BABAM2: variants seen among roughly 807,000 people sequenced by gnomAD.
The protein encoded by BABAM2 is BRISC and BRCA1-A complex member 2.
A neutral mutation model predicts 54.7 loss-of-function variants in BABAM2; 31 were observed. That is an observed-to-expected ratio of 0.57 (90% CI 0.43 to 0.77). The LOEUF (loss-of-function observed/expected upper bound fraction) is 0.77, where lower values mean the gene tolerates loss of function less well. Ranked by LOEUF, BABAM2 falls within the 30% of genes least tolerant of loss-of-function variation. The pLI, the probability that BABAM2 is intolerant of heterozygous loss-of-function variation, is 0.00. For synonymous variants in BABAM2, 167 were observed against 162.9 expected (o/e 1.03, Z -0.19); for missense variants, 364 against 455.8 (o/e 0.80, Z 1.83).
chr2:27,947,913 A>G (rs1271416920), intron 3 of BABAM2, among the ~76,000 whole-genome samples: 1 of 152,042 alleles, frequency 6.6e-6, no homozygotes, highest in Non-Finnish European at 1.5e-5. Flanking sequence ...ATGTGTGAGC[A>G]TTTTTCTTAA....
intron 10 of BABAM2, among the ~76,000 whole-genome samples, chr2:28,246,220 G>A (rs115605354): frequency 6.6e-6 from 1 of 152,132 alleles, no homozygotes; most frequent in African/African-American, 2.4e-5. Context: ...CAGTGTCTTC[G>A]ATGGCCCTAC....
At chr2:28,031,494 T>C (rs1346303150) in intron 5 of BABAM2, among the ~76,000 whole-genome samples, 3 of 152,172 alleles carry the variant, frequency 2.0e-5, no homozygotes, top group Admixed American at 2.0e-4. Flanking sequence ...AGATGCACTT[T>C]AGTAGGGCTC....
At chr2:28,330,231 G>A (rs2087462) in intron 11 of BABAM2, among the ~76,000 whole-genome samples, 26,432 of 152,020 alleles carry the variant, frequency 0.17, 3,232 homozygotes, top group East Asian at 0.57. Flanking sequence ...ATATCATACC[G>A]AACAGGCAAA....
intron 3 of BABAM2, among the ~76,000 whole-genome samples, chr2:27,953,349 A>AT (rs964844345): frequency 2.6e-5 from 4 of 151,852 alleles, no homozygotes; most frequent in African/African-American, 9.7e-5. Flanking sequence ...CGCCTGGCTA[A>AT]TTTTTTTACT....
chr2:28,315,690 A>G (rs1005438650), intron 11 of BABAM2, among the ~76,000 whole-genome samples: 6 of 149,720 alleles, frequency 4.0e-5, no homozygotes, highest in Admixed American at 3.3e-4. Flanking sequence ...GTGGAGTCTC[A>G]CTATGTTGCC....
intron 7 of BABAM2, among the ~76,000 whole-genome samples, chr2:28,161,336 C>G (rs933926962): frequency 2.6e-5 from 4 of 152,160 alleles, no homozygotes; most frequent in African/African-American, 7.2e-5. Context: ...CTGGGGTCAA[C>G]CAGTGACTCA....
upstream of BABAM2, among the ~76,000 whole-genome samples, chr2:27,888,986 G>A (rs1415210949): frequency 6.6e-6 from 1 of 152,196 alleles, no homozygotes; most frequent in African/African-American, 2.4e-5. Context: ...GTGTCTGACA[G>A]AATAGTTCTA....
chr2:27,954,396 C>T (rs1034678526), intron 3 of BABAM2, among the ~76,000 whole-genome samples: 3 of 152,204 alleles, frequency 2.0e-5, no homozygotes, highest in African/African-American at 7.2e-5. Flanking sequence ...ATGCTTCCTC[C>T]GGCCCTTGGA....
intron 7 of BABAM2, among the ~76,000 whole-genome samples, chr2:28,185,191 T>C (rs1676149267): frequency 6.6e-6 from 1 of 152,164 alleles, no homozygotes; most frequent in Non-Finnish European, 1.5e-5. Context: ...ATTAATATAT[T>C]AAAACCCCAT....
chr2:28,132,495 G>A (rs1473874053), intron 7 of BABAM2, among the ~76,000 whole-genome samples: 1 of 151,796 alleles, frequency 6.6e-6, no homozygotes, highest in Non-Finnish European at 1.5e-5. Context: ...ATCATTTTTC[G>A]GTTGCTTCCC....
chr2:27,997,574 T>C (rs1297438112), intron 4 of BABAM2, among the ~76,000 whole-genome samples: 1 of 152,190 alleles, frequency 6.6e-6, no homozygotes, highest in South Asian at 2.1e-4. Flanking sequence ...TATTAATATA[T>C]ACACATATGC....
chr2:28,244,135 C>T (rs1039038385), intron 9 of BABAM2, among the ~76,000 whole-genome samples: 3 of 152,066 alleles, frequency 2.0e-5, no homozygotes, highest in African/African-American at 4.8e-5. Flanking sequence ...CCTTCCTGAA[C>T]CCAGCATCCA....
At chr2:28,310,703 G>A (rs1176285483) in intron 11 of BABAM2, among the ~76,000 whole-genome samples, 1 of 151,740 alleles carries the variant, frequency 6.6e-6, no homozygotes, top group Non-Finnish European at 1.5e-5. Flanking sequence ...GGGAAACATG[G>A]TGAAACCCTG....
intron 6 of BABAM2, among the ~76,000 whole-genome samples, chr2:28,115,041 A>G (rs1049174657): frequency 1.3e-5 from 2 of 152,204 alleles, no homozygotes; most frequent in African/African-American, 4.8e-5. Flanking sequence ...GGTAAGCACC[A>G]TACTGGACAC....
chr2:27,920,476 A>T (rs1667271594), intron 2 of BABAM2, among the ~76,000 whole-genome samples: 1 of 152,216 alleles, frequency 6.6e-6, no homozygotes, highest in Non-Finnish European at 1.5e-5. Flanking sequence ...ATTCAGAGAA[A>T]ATAAATTCTA....
chr2:28,033,339 G>C (rs1165318629), intron 5 of BABAM2, among the ~76,000 whole-genome samples: 1 of 152,046 alleles, frequency 6.6e-6, no homozygotes, highest in African/African-American at 2.4e-5. Flanking sequence ...GCTTACAACA[G>C]AATACCCGAA....
chr2:28,092,470 T>C (rs924235672), intron 6 of BABAM2, among the ~76,000 whole-genome samples: 6 of 152,156 alleles, frequency 3.9e-5, no homozygotes, highest in African/African-American at 1.4e-4. Context: ...CAATACCATT[T>C]AAAATAGCAT....
intron 10 of BABAM2, among the ~76,000 whole-genome samples, chr2:28,264,520 C>T (rs778184584): frequency 1.1e-4 from 17 of 152,098 alleles, no homozygotes; most frequent in Non-Finnish European, 1.6e-4. Context: ...GAATTGTGGT[C>T]GCAACAAAAG....
intron 7 of BABAM2, among the ~76,000 whole-genome samples, chr2:28,211,033 A>G (rs1679399820): frequency 6.6e-6 from 1 of 152,292 alleles, no homozygotes; most frequent in South Asian, 2.1e-4. Flanking sequence ...AATCTATATG[A>G]TTTGGTTCTT....
Sources: allele counts gnomAD v4.1 joint callset (sites outside exome capture counted in the v4.1 genomes callset), GRCh38; gene constraint gnomAD v4.1.1; transcripts MANE v1.5; gene names NCBI Gene and HGNC (gene_info 2026-07-23, HGNC 2026-07-21).